TBC1D19: variants seen among roughly 807,000 people sequenced by gnomAD.
The protein encoded by TBC1D19 is TBC1 domain family member 19.
A neutral mutation model predicts 89.0 loss-of-function variants in TBC1D19; 60 were observed. The ratio of observed to expected loss-of-function variants is 0.67; its 90% CI spans 0.55 to 0.84. The LOEUF is 0.84. Among genes scored for constraint, TBC1D19 ranks in the 40% least tolerant of loss-of-function variants. The pLI, the probability that TBC1D19 is intolerant of heterozygous loss-of-function variation, is 0.00. For synonymous variants in TBC1D19, 189 were observed against 199.7 expected, an observed-to-expected ratio of 0.95 and a Z score of 0.45; for missense variants, 500 against 610.8, an observed-to-expected ratio of 0.82 and a Z score of 1.91.
rs377329350 is a variant in TBC1D19 at position 26,585,695 on chromosome 4, C to T, written c.99+1403C>T. ...GCCTCCCAGGTTCAAGTGATCCTCCCGCCTTCGCCTCCTGAATAGCTGGGA... is the reference window on the plus strand; with the variant it reads ...GCCTCCCAGGTTCAAGTGATCCTCCTGCCTTCGCCTCCTGAATAGCTGGGA... On this transcript the variant is annotated intron_variant, in intron 1 of 20. Transcript: ENST00000264866. 1.9e-4 allele frequency among the ~76,000 whole-genome samples: 29 copies of T among 152,034 alleles called. No homozygotes were observed. In the East Asian group the frequency reaches 3.9e-3, roughly 20 times the overall value.
chr4:26,837,689 T>C, the TBC1D19 span, among the ~76,000 whole-genome samples: 1 of 152,128 alleles, frequency 6.6e-6, no homozygotes, highest in Admixed American at 6.5e-5. Context: ...ATCATCTGTA[T>C]GGAGGAGACA....
At chr4:26,750,450 G>T (rs1718889404) in intron 19 of TBC1D19, among the ~76,000 whole-genome samples, 1 of 152,156 alleles carries the variant, frequency 6.6e-6, no homozygotes, top group Non-Finnish European at 1.5e-5. Context: ...GGGTCAAGAG[G>T]TTTCATACCT....
chr4:26,627,342 A>G (rs1004934850), intron 4 of TBC1D19, among the ~76,000 whole-genome samples: 26 of 152,314 alleles, frequency 1.7e-4, no homozygotes, highest in Middle Eastern at 3.4e-3. Context: ...TAGTGGCGCA[A>G]TAAACATATG....
chr4:26,711,413 A>G (rs964973004), intron 13 of TBC1D19, among the ~76,000 whole-genome samples: 9 of 152,106 alleles, frequency 5.9e-5, no homozygotes, highest in Admixed American at 1.3e-4. Flanking sequence ...AAAAAATTTT[A>G]TAATAGTTTT....
chr4:26,679,749 A>C (rs948812200), intron 11 of TBC1D19, among the ~76,000 whole-genome samples: 1 of 152,256 alleles, frequency 6.6e-6, no homozygotes, highest in African/African-American at 2.4e-5. Flanking sequence ...CCACAGGGGC[A>C]GAGCTGGCCA....
the TBC1D19 span, among the ~76,000 whole-genome samples, chr4:26,788,853 C>T: frequency 6.6e-6 from 1 of 152,208 alleles, no homozygotes; most frequent in African/African-American, 2.4e-5. Context: ...ATCCCTGAAG[C>T]TGCCTCTCAA....
At chr4:26,811,664 C>T in the TBC1D19 span, among the ~76,000 whole-genome samples, 6 of 152,172 alleles carry the variant, frequency 3.9e-5, no homozygotes, top group Admixed American at 6.5e-5. Context: ...AGAGCAGCCC[C>T]GAGGGCTGCT....
the TBC1D19 span, among the ~76,000 whole-genome samples, chr4:26,831,191 C>T: frequency 6.6e-6 from 1 of 152,058 alleles, no homozygotes; most frequent in Non-Finnish European, 1.5e-5. Flanking sequence ...AATCTGTATA[C>T]TTATGAGGGA....
At chr4:26,633,594 G>A (rs150072799) in intron 4 of TBC1D19, among the ~76,000 whole-genome samples, 138 of 152,122 alleles carry the variant, frequency 9.1e-4, no homozygotes, top group Admixed American at 2.2e-3. Flanking sequence ...TACAGATAAC[G>A]GCAGTCCTGT....
intron 18 of TBC1D19, among the ~76,000 whole-genome samples, chr4:26,743,477 TTAAGA>T (rs1718482040): frequency 6.6e-6 from 1 of 152,076 alleles, no homozygotes; most frequent in Non-Finnish European, 1.5e-5. Context: ...TTTCTTTACG[TTAAGA>T]TAATTCAGTT....
the TBC1D19 span, among the ~76,000 whole-genome samples, chr4:26,791,144 C>T: frequency 8.5e-5 from 13 of 152,176 alleles, no homozygotes; most frequent in African/African-American, 1.2e-4. Flanking sequence ...AACTCTTTGT[C>T]ACCAGTCTCT....
intron 13 of TBC1D19, among the ~76,000 whole-genome samples, chr4:26,700,021 AAAAG>A (rs1715182296): frequency 6.6e-6 from 1 of 152,106 alleles, no homozygotes; most frequent in South Asian, 2.1e-4. Flanking sequence ...ATAATAATAA[AAAAG>A]AAATTAAAAG....
chr4:26,662,797 C>A (rs148204007), intron 8 of TBC1D19: 88 of 152,248 alleles, frequency 5.8e-4, no homozygotes, highest in Middle Eastern at 3.4e-3. Flanking sequence ...AACCAACAAT[C>A]AATCAAATGT....
At chr4:26,731,934 A>G (rs1717686661) in intron 15 of TBC1D19, among the ~76,000 whole-genome samples, 1 of 152,204 alleles carries the variant, frequency 6.6e-6, no homozygotes, top group Admixed American at 6.5e-5. Context: ...TTTAAAAAAA[A>G]TTAAGCCTGG....
At chr4:26,666,852 CT>C (rs1711856993) in intron 9 of TBC1D19, among the ~76,000 whole-genome samples, 1 of 151,854 alleles carries the variant, frequency 6.6e-6, no homozygotes, top group Non-Finnish European at 1.5e-5. Context: ...ATTCAATATA[CT>C]TTTTATTAAA....
At chr4:26,656,995 TTCTC>T (rs1429136843) in intron 7 of TBC1D19, among the ~76,000 whole-genome samples, 3 of 121,714 alleles carry the variant, frequency 2.5e-5, no homozygotes, top group African/African-American at 9.1e-5. Context: ...CTTCTTCTCC[TTCTC>T]CTTCTCCTTC....
chr4:26,673,684 T>G, intron 10 of TBC1D19, 92 bp from the exon 11 acceptor site: 1 of 820,496 alleles, frequency 1.2e-6, no homozygotes, highest in East Asian at 2.7e-5. Context: ...AAAGACTGAA[T>G]ATCAGCTTCC....
At chr4:26,743,565 G>A (rs1327246007) in intron 18 of TBC1D19, among the ~76,000 whole-genome samples, 1 of 151,976 alleles carries the variant, frequency 6.6e-6, no homozygotes, top group African/African-American at 2.4e-5. Context: ...TAAAGATGGA[G>A]ATAACAATCA....
At chr4:26,815,926 C>G in the TBC1D19 span, among the ~76,000 whole-genome samples, 989 of 152,268 alleles carry the variant, frequency 6.5e-3, 14 homozygotes, top group African/African-American at 0.022. Context: ...TGGAATACCC[C>G]CCGAGGGCCT....
Sources: allele counts gnomAD v4.1 joint callset (sites outside exome capture counted in the v4.1 genomes callset), GRCh38; gene constraint gnomAD v4.1.1; transcripts MANE v1.5; gene names NCBI Gene and HGNC (gene_info 2026-07-23, HGNC 2026-07-21).